COL14A1: variants seen among roughly 807,000 people sequenced by gnomAD.
COL14A1 encodes collagen type XIV alpha 1 chain.
In COL14A1, 136 loss-of-function variants were observed where a neutral mutation model predicts 230.3. The ratio of observed to expected loss-of-function variants is 0.59; its 90% confidence interval spans 0.51 to 0.68. The LOEUF (loss-of-function observed/expected upper bound fraction) is 0.68, where lower values mean the gene tolerates loss of function less well. COL14A1 is among the 30% of genes least tolerant of loss of function. The probability of loss-of-function intolerance (pLI) is 0.00; values close to 1 mark genes in which losing one functional copy is unlikely to be tolerated. For synonymous variants in COL14A1, 792 were observed against 784.1 expected (o/e 1.01, Z -0.17); for missense variants, 1,976 against 2,215.8 (o/e 0.89, Z 2.17).
At chr8:120,131,982 G>A (rs970990786) in intron 1 of COL14A1, among the ~76,000 whole-genome samples, 1 of 151,224 alleles carries the variant, frequency 6.6e-6, no homozygotes, top group Non-Finnish European at 1.5e-5. Flanking sequence ...TAGTAGTTGG[G>A]ATTACAGGCA....
At chr8:120,150,466 C>G (rs1419662511) in intron 2 of COL14A1, among the ~76,000 whole-genome samples, 1 of 152,130 alleles carries the variant, frequency 6.6e-6, no homozygotes, top group Admixed American at 6.5e-5. Context: ...TAAGTGGAGA[C>G]AGACAAAAGA....
rs112432877 is a variant in COL14A1, at chr8:120,267,651, G to A, written c.3073+768G>A. Among the ~76,000 whole-genome samples the A allele has an allele frequency of 8.2e-3, 1,242 of 151,930 alleles. 23 individuals are homozygous for A. Among genetic ancestry groups the A allele is most frequent in the African/African-American group, 0.028 (1,166 of 41,500 alleles). ...ACAGGTATTGGGATGAATAGCACTC[G>A]GTGTCAAGAGTGATCCAACTGCTTA... On this transcript the variant is annotated intron_variant, in intron 25 of 47. Coordinates refer to ENST00000297848, the MANE Select transcript of COL14A1 (RefSeq NM_021110.4).
intron 28 of COL14A1, among the ~76,000 whole-genome samples, 187 bp from the exon 29 acceptor site, chr8:120,279,748 A>G (rs1819980128): frequency 6.6e-6 from 1 of 152,162 alleles, no homozygotes; most frequent in South Asian, 2.1e-4. Flanking sequence ...TTAGGGGATG[A>G]TGGAATCATT....
chr8:120,362,875 G>A (rs111875973), intron 45 of COL14A1, among the ~76,000 whole-genome samples: 2 of 151,996 alleles, frequency 1.3e-5, no homozygotes, highest in African/African-American at 4.8e-5. Context: ...GAAAACTAAG[G>A]GTATTTTAAC....
At chr8:120,166,393 C>T (rs1815874346) in intron 4 of COL14A1, among the ~76,000 whole-genome samples, 1 of 152,166 alleles carries the variant, frequency 6.6e-6, no homozygotes, top group Non-Finnish European at 1.5e-5. Context: ...GAATTCACCA[C>T]ATTCTATGTT....
chr8:120,218,074 AAT>A (rs1163627122), intron 14 of COL14A1, among the ~76,000 whole-genome samples: 8 of 140,246 alleles, frequency 5.7e-5, no homozygotes, highest in Non-Finnish European at 1.1e-4. Flanking sequence ...TCTATATATA[AAT>A]ATATAATATA....
At chr8:120,362,906 G>T (rs4574886) in intron 45 of COL14A1, among the ~76,000 whole-genome samples, 7,349 of 152,196 alleles carry the variant, frequency 0.048, 281 homozygotes, top group East Asian at 0.16. Flanking sequence ...TCATATTTTT[G>T]CTAAGTTAGA....
chr8:120,159,094 C>T (rs1360382468), intron 3 of COL14A1, among the ~76,000 whole-genome samples: 2 of 152,160 alleles, frequency 1.3e-5, no homozygotes, highest in Non-Finnish European at 2.9e-5. Context: ...GTACCCACCC[C>T]ATGGAGTTTT....
At position 120,275,905 on chromosome 8, in the gene COL14A1, T is replaced by C. The variant is rs1342965217; in HGVS notation, c.3214-2206T>C. On this transcript the variant is annotated intron_variant, in intron 26 of 47. Coordinates refer to ENST00000297848, the MANE Select transcript of COL14A1 (RefSeq NM_021110.4). ...TGGGCATGTAATTTAGTATAACCTC[T>C]ATGGAAAACAGTGTGGAGATTTCTT... Among the ~76,000 whole-genome samples the C allele has an allele frequency of 3.9e-5, 6 of 151,956 alleles. No homozygotes were observed. The East Asian group carries it at 1.2e-3, about 29-fold the overall frequency.
rs138171534 is a variant in COL14A1 at position 120,176,011 on chromosome 8, G to A, written c.436+7764G>A. ...CTCAGGAGTTAGTTGTGAAGATTGA[G>A]TTAAAATGTGTAAAATACCTAGTAT... On this transcript the variant is annotated intron_variant, in intron 5 of 47. Coordinates refer to ENST00000297848, the MANE Select transcript of COL14A1 (RefSeq NM_021110.4). Among the ~76,000 whole-genome samples the A allele has an allele frequency of 5.7e-4, 86 of 152,122 alleles. 3 individuals are homozygous for A. The highest frequency in any genetic ancestry group is 1.5e-4 in the Non-Finnish European group (10 of 68,030).
intron 3 of COL14A1, among the ~76,000 whole-genome samples, chr8:120,159,267 A>G (rs1815581004): frequency 6.6e-6 from 1 of 152,158 alleles, no homozygotes; most frequent in Admixed American, 6.5e-5. Flanking sequence ...AAATTTGGGA[A>G]GTACTGGTTG....
chr8:120,212,124 T>A (rs938823638), intron 12 of COL14A1, among the ~76,000 whole-genome samples: 1 of 152,238 alleles, frequency 6.6e-6, no homozygotes, highest in African/African-American at 2.4e-5. Flanking sequence ...AGAGAACATT[T>A]CTGATTCAAT....
intron 12 of COL14A1, 59 bp downstream of exon 12, chr8:120,209,960 AT>A: frequency 8.0e-7 from 1 of 1,251,164 alleles, no homozygotes; most frequent in Non-Finnish European, 1.0e-6. Flanking sequence ...ATAAAATAAA[AT>A]TTTTATTGTA....
intron 5 of COL14A1, among the ~76,000 whole-genome samples, chr8:120,193,069 C>G (rs1433740510): frequency 6.6e-6 from 1 of 152,210 alleles, no homozygotes; most frequent in Non-Finnish European, 1.5e-5. Flanking sequence ...CTCCGTCCAG[C>G]TTTGTTCTGT....
intron 5 of COL14A1, among the ~76,000 whole-genome samples, chr8:120,180,215 A>G (rs1816418200): frequency 6.6e-6 from 1 of 152,234 alleles, no homozygotes; most frequent in Non-Finnish European, 1.5e-5. Flanking sequence ...ATTCTGTAAC[A>G]TATTTTAAAT....
At chr8:120,278,305 T>A in intron 27 of COL14A1, 71 bp downstream of exon 27, 3 of 1,519,760 alleles carry the variant, frequency 2.0e-6, no homozygotes, top group Non-Finnish European at 2.6e-6. Flanking sequence ...TGACCTTTTA[T>A]TTTAAGGCAT....
At chr8:120,193,899 G>A (rs978307773) in intron 5 of COL14A1, among the ~76,000 whole-genome samples, 6 of 152,128 alleles carry the variant, frequency 3.9e-5, no homozygotes, top group Non-Finnish European at 7.4e-5. Context: ...TAAGCCCCTC[G>A]GAAAAGCGCA....
At chr8:120,208,086 T>A in intron 10 of COL14A1, 146 bp from the exon 11 acceptor site, 1 of 704,022 alleles carries the variant, frequency 1.4e-6, no homozygotes, top group Non-Finnish European at 2.2e-6. Flanking sequence ...TCAAAGAGAG[T>A]TGACTGCCAC....
intron 19 of COL14A1, among the ~76,000 whole-genome samples, chr8:120,237,388 C>T (rs1433146890): frequency 1.3e-5 from 2 of 152,262 alleles, no homozygotes; most frequent in South Asian, 4.1e-4. Context: ...TCCTTTCTTT[C>T]ACTTGATCAA....
Sources: allele counts gnomAD v4.1 joint callset (sites outside exome capture counted in the v4.1 genomes callset), GRCh38; gene constraint gnomAD v4.1.1; transcripts MANE v1.5; gene names NCBI Gene and HGNC (gene_info 2026-07-23, HGNC 2026-07-21).